ZNF804A: variants seen among roughly 807,000 people sequenced by gnomAD.
ZNF804A encodes zinc finger protein 804A.
In ZNF804A, 2 loss-of-function variants were observed where a neutral mutation model predicts 16.5. The ratio of observed to expected loss-of-function variants is 0.12; its 90% CI spans 0.05 to 0.38. ZNF804A has a LOEUF of 0.38. Ranked by LOEUF, ZNF804A falls within the 10% of genes least tolerant of loss-of-function variation. The pLI is 0.99. For missense variants in ZNF804A, 1,473 were observed against 1,390.7 expected, an observed-to-expected ratio of 1.06 and a Z score of -0.94; for synonymous variants, 534 against 489.6, an observed-to-expected ratio of 1.09 and a Z score of -1.20.
At chr2:184,784,787 T>C (rs1290235104) in intron 1 of ZNF804A, among the ~76,000 whole-genome samples, 1 of 152,004 alleles carries the variant, frequency 6.6e-6, no homozygotes, top group East Asian at 1.9e-4. Context: ...ATGTAACAAA[T>C]ACATGCTTAA....
At chr2:184,782,942 C>G (rs1356706981) in intron 1 of ZNF804A, among the ~76,000 whole-genome samples, 1 of 150,572 alleles carries the variant, frequency 6.6e-6, no homozygotes, top group Non-Finnish European at 1.5e-5. Context: ...ACTTCTTCAG[C>G]AGCAAGACAT....
chr2:184,637,091 C>T (rs1445149494), intron 1 of ZNF804A, among the ~76,000 whole-genome samples: 1 of 152,086 alleles, frequency 6.6e-6, no homozygotes, highest in Admixed American at 6.6e-5. Context: ...TTAATCTGCA[C>T]ATTATTCAAA....
intron 1 of ZNF804A, among the ~76,000 whole-genome samples, chr2:184,678,135 T>C (rs1692470448): frequency 6.6e-6 from 1 of 152,090 alleles, no homozygotes; most frequent in Non-Finnish European, 1.5e-5. Flanking sequence ...TATATCTCCA[T>C]ATACTTTGAA....
At chr2:184,689,975 C>G (rs923631462) in intron 1 of ZNF804A, among the ~76,000 whole-genome samples, 1 of 152,000 alleles carries the variant, frequency 6.6e-6, no homozygotes, top group South Asian at 2.1e-4. Flanking sequence ...ATACCTTAGA[C>G]TTTTATGGAA....
chr2:184,698,022 T>A (rs1692860961), intron 1 of ZNF804A, among the ~76,000 whole-genome samples: 1 of 152,018 alleles, frequency 6.6e-6, no homozygotes, highest in South Asian at 2.1e-4. Context: ...AAATTGAAGT[T>A]TTAGCTCCCT....
chr2:184,671,059 G>A (rs912839628), intron 1 of ZNF804A, among the ~76,000 whole-genome samples: 3 of 152,150 alleles, frequency 2.0e-5, no homozygotes, highest in African/African-American at 7.2e-5. Context: ...AATTATGGAT[G>A]TAGAACTGGT....
intron 1 of ZNF804A, among the ~76,000 whole-genome samples, chr2:184,600,891 C>T (rs1311863587): frequency 6.6e-6 from 1 of 152,018 alleles, no homozygotes; most frequent in Non-Finnish European, 1.5e-5. Flanking sequence ...CCATTGTAAC[C>T]TTGTGAGTAA....
chr2:184,843,091 T>A (rs925734355), intron 1 of ZNF804A, among the ~76,000 whole-genome samples: 18 of 152,070 alleles, frequency 1.2e-4, no homozygotes, highest in Admixed American at 1.2e-3. Context: ...ATCATGTCCA[T>A]GTATATAGTC....
chr2:184,905,801 T>C (rs1685263188), intron 2 of ZNF804A, among the ~76,000 whole-genome samples: 1 of 152,172 alleles, frequency 6.6e-6, no homozygotes. Context: ...AGAAGGCCTT[T>C]GTTTTTCTGG....
At position 184,813,993 on chromosome 2, in the gene ZNF804A, CTTTTTTTTTTTTT is replaced by C. The variant is rs1163432699; in HGVS notation, c.112-52360_112-52348del. Among the ~76,000 whole-genome samples the C allele has an allele frequency of 2.2e-4, 11 of 49,198 alleles. 1 individual carries two copies. In the East Asian group the frequency reaches 5.1e-3, roughly 23 times the overall value. The allele number at this position is 49,198 out of a possible 152,430, so 32.3% of individuals were successfully genotyped here. On this transcript the variant is annotated intron_variant, in intron 1 of 3. Coordinates refer to ENST00000302277, the MANE Select transcript of ZNF804A (RefSeq NM_194250.2). ...TTTAGGGCATGTTTGAGAAAGGCAG[CTTTTTTTTTTTTT>C]TTTTTTTTTTTTTTTGGCTTGTCTA...
intron 1 of ZNF804A, among the ~76,000 whole-genome samples, chr2:184,641,743 A>G (rs1430680053): frequency 6.6e-6 from 1 of 152,194 alleles, no homozygotes. Context: ...TAATCTTTTT[A>G]TAGTGCTTTG....
intron 1 of ZNF804A, among the ~76,000 whole-genome samples, chr2:184,772,104 T>C (rs1008100825): frequency 2.6e-5 from 4 of 151,990 alleles, no homozygotes; most frequent in African/African-American, 9.7e-5. Flanking sequence ...TTTTCCATTA[T>C]TTTCTATAAA....
chr2:184,833,964 T>G (rs974542544), intron 1 of ZNF804A, among the ~76,000 whole-genome samples: 1 of 152,058 alleles, frequency 6.6e-6, no homozygotes, highest in African/African-American at 2.4e-5. Flanking sequence ...TGAATATTTT[T>G]GGGCAGATAT....
chr2:184,790,487 A>G (rs1244634605), intron 1 of ZNF804A, among the ~76,000 whole-genome samples: 1 of 152,018 alleles, frequency 6.6e-6, no homozygotes, highest in Non-Finnish European at 1.5e-5. Flanking sequence ...GTTTTCTTAG[A>G]TATAGCAGTA....
intron 1 of ZNF804A, among the ~76,000 whole-genome samples, chr2:184,773,525 C>G (rs1212259979): frequency 6.6e-6 from 1 of 151,880 alleles, no homozygotes; most frequent in Non-Finnish European, 1.5e-5. Context: ...AATTGCAGAC[C>G]ATTATTCTTA....
chr2:184,616,231 TAG>T (rs1223056178), intron 1 of ZNF804A, among the ~76,000 whole-genome samples: 2 of 152,196 alleles, frequency 1.3e-5, no homozygotes, highest in Non-Finnish European at 2.9e-5. Context: ...TATTTGGAAC[TAG>T]AGAGACATGA....
chr2:184,862,204 T>A (rs1695812411), intron 1 of ZNF804A, among the ~76,000 whole-genome samples: 1 of 152,176 alleles, frequency 6.6e-6, no homozygotes, highest in South Asian at 2.1e-4. Context: ...GATGGCTGTA[T>A]TTAATATGTG....
In ZNF804A at chr2:184,757,277, A is replaced by G. The variant is rs148186256; in HGVS notation, c.112-109092A>G. On this transcript the variant is annotated intron_variant, in intron 1 of 3. Transcript: ENST00000302277. Reference sequence around the variant, plus strand: ...AACTTCAGGTTTGTTCCATGAATCAAAAGGGAAACCTGACCCAAATCCTTG... The same window carrying G: ...AACTTCAGGTTTGTTCCATGAATCAGAAGGGAAACCTGACCCAAATCCTTG... 2.3e-3 allele frequency among the ~76,000 whole-genome samples: 356 copies of G among 152,108 alleles called. 2 individuals are homozygous for G. Among genetic ancestry groups the G allele is most frequent in the Non-Finnish European group, 4.2e-3 (285 of 67,942 alleles).
At chr2:184,804,189 G>C (rs1171475558) in intron 1 of ZNF804A, among the ~76,000 whole-genome samples, 1 of 151,998 alleles carries the variant, frequency 6.6e-6, no homozygotes, top group Non-Finnish European at 1.5e-5. Flanking sequence ...AAGGACATTT[G>C]ATCATTTTAT....
Sources: allele counts gnomAD v4.1 joint callset (sites outside exome capture counted in the v4.1 genomes callset), GRCh38; gene constraint gnomAD v4.1.1; transcripts MANE v1.5; gene names NCBI Gene and HGNC (gene_info 2026-07-23, HGNC 2026-07-21).